The following NPAS3 variants were observed in gnomAD, a reference collection of about 807,000 sequenced individuals.
The protein encoded by NPAS3 is neuronal PAS domain-containing protein 3.
NPAS3 carries 14 observed loss-of-function variants against 73.1 expected under a neutral mutation model. That is an observed-to-expected ratio of 0.19 (90% CI 0.13 to 0.30). NPAS3 has a LOEUF of 0.30. Ranked by LOEUF, NPAS3 falls within the 10% of genes least tolerant of loss-of-function variation. The pLI, the probability that NPAS3 is intolerant of heterozygous loss-of-function variation, is 1.00. For synonymous variants in NPAS3, 620 were observed against 541.5 expected (o/e 1.14, Z -2.01); for missense variants, 1,096 against 1,250.0 (o/e 0.88, Z 1.86).
chr14:33,781,362 G>A (rs183836493), intron 9 of NPAS3, among the ~76,000 whole-genome samples: 5 of 152,342 alleles, frequency 3.3e-5, no homozygotes, highest in Admixed American at 2.0e-4. Flanking sequence ...CTAAAATTGT[G>A]TGATGGAATG....
intron 3 of NPAS3, among the ~76,000 whole-genome samples, chr14:33,263,538 T>C (rs1350463913): frequency 1.3e-5 from 2 of 152,212 alleles, no homozygotes; most frequent in East Asian, 3.8e-4. Flanking sequence ...TAGTATAGTT[T>C]GAAGTCAGGT....
At chr14:33,397,041 G>C (rs2047254262) in intron 4 of NPAS3, among the ~76,000 whole-genome samples, 1 of 151,958 alleles carries the variant, frequency 6.6e-6, no homozygotes, top group Non-Finnish European at 1.5e-5. Context: ...CAGTTTAAGG[G>C]GCCTGTCTAT....
At chr14:33,724,656 TA>T (rs2061213539) in intron 6 of NPAS3, among the ~76,000 whole-genome samples, 1 of 151,700 alleles carries the variant, frequency 6.6e-6, no homozygotes, top group African/African-American at 2.4e-5. Flanking sequence ...AAATGCATAT[TA>T]AAAACATGTG....
intron 4 of NPAS3, among the ~76,000 whole-genome samples, chr14:33,409,157 T>C (rs193266194): frequency 2.7e-3 from 410 of 152,296 alleles, no homozygotes; most frequent in African/African-American, 9.4e-3. Context: ...CCAGGTGATA[T>C]GTTTAAAAAG....
At chr14:33,799,903 C>G (rs764930342) in exon 12 of NPAS3, 1 of 1,614,194 alleles carries the variant, frequency 6.2e-7, no homozygotes, top group Non-Finnish European at 8.5e-7. Context: ...ACGACAGCTT[C>G]GAGCACTCGG....
chr14:33,034,979 A>C (rs1245528762), intron 1 of NPAS3, among the ~76,000 whole-genome samples: 1 of 152,238 alleles, frequency 6.6e-6, no homozygotes, highest in Non-Finnish European at 1.5e-5. Context: ...AGTCAATTTC[A>C]TAGAAAAAAT....
intron 4 of NPAS3, among the ~76,000 whole-genome samples, chr14:33,532,795 A>G (rs2054101348): frequency 6.6e-6 from 1 of 152,118 alleles, no homozygotes; most frequent in Non-Finnish European, 1.5e-5. Context: ...TAAAAACAGT[A>G]GTAAGATAAG....
intron 1 of NPAS3, among the ~76,000 whole-genome samples, chr14:32,984,141 C>T (rs1028113984): frequency 2.0e-5 from 3 of 152,186 alleles, no homozygotes; most frequent in African/African-American, 7.2e-5. Context: ...TATATGGTTT[C>T]CCATGTTGTG....
chr14:33,581,991 T>G (rs2056683412), intron 5 of NPAS3: 1 of 152,260 alleles, frequency 6.6e-6, no homozygotes, highest in South Asian at 2.1e-4. Flanking sequence ...ATTTAGGTCC[T>G]TTCTAATTTT....
At chr14:33,361,263 C>T (rs1022357256) in intron 3 of NPAS3, among the ~76,000 whole-genome samples, 15 of 152,270 alleles carry the variant, frequency 9.9e-5, no homozygotes, top group East Asian at 1.9e-4. Flanking sequence ...AAAACATTTT[C>T]GAGACTTACT....
At chr14:33,251,093 C>T (rs536287091) in intron 3 of NPAS3, among the ~76,000 whole-genome samples, 1 of 152,058 alleles carries the variant, frequency 6.6e-6, no homozygotes, top group East Asian at 1.9e-4. Context: ...AATCTACTAA[C>T]CCTGCTCATT....
At chr14:33,021,696 C>T (rs1046003958) in intron 1 of NPAS3, among the ~76,000 whole-genome samples, 3 of 152,304 alleles carry the variant, frequency 2.0e-5, no homozygotes, top group Non-Finnish European at 2.9e-5. Flanking sequence ...ATTCCTTTCT[C>T]TTCTGAGCCC....
intron 2 of NPAS3, among the ~76,000 whole-genome samples, chr14:33,155,959 A>T (rs2139275108): frequency 6.6e-6 from 1 of 152,342 alleles, no homozygotes; most frequent in East Asian, 1.9e-4. Context: ...CTTGTTTTAA[A>T]AACTTACTTT....
At position 33,237,611 on chromosome 14, in the gene NPAS3, G is replaced by A. The variant is rs756514850; in HGVS notation, c.385+22185G>A. On this transcript the variant is annotated intron_variant, in intron 3 of 11. Transcript: ENST00000356141. ...AAAATTAGAAAAGGAAATTGCTTTC[G>A]GCTTCAGAGAGGCAACATGCTAGTT... Among the ~76,000 whole-genome samples, 15 of 152,080 alleles carry A rather than the reference G, an allele frequency of 9.9e-5. No homozygotes were observed. In the East Asian group the frequency reaches 1.5e-3, roughly 16 times the overall value.
At chr14:32,956,785 C>T (rs1208097349) in intron 1 of NPAS3, among the ~76,000 whole-genome samples, 1 of 152,154 alleles carries the variant, frequency 6.6e-6, no homozygotes, top group Non-Finnish European at 1.5e-5. Flanking sequence ...TTTTCCAAAA[C>T]CCAAATCACT....
At chr14:33,262,924 T>C (rs1028641571) in intron 3 of NPAS3, among the ~76,000 whole-genome samples, 1 of 152,210 alleles carries the variant, frequency 6.6e-6, no homozygotes. Context: ...ATGTCTTCTT[T>C]TGAGGAGTGT....
chr14:33,360,918 C>T lies in NPAS3; in HGVS notation c.386-6268C>T, dbSNP rs185081094. ...GTCCTCCGAGACGTTGACTGTCAGA[C>T]GTTGACCTCATTCCCTCAAGTGCTG... On this transcript the variant is annotated intron_variant, in intron 3 of 11. Coordinates refer to ENST00000356141, the Ensembl canonical transcript of NPAS3. 2.6e-3 allele frequency among the ~76,000 whole-genome samples: 391 copies of T among 152,206 alleles called. 5 individuals carry two copies. Among genetic ancestry groups the T allele is most frequent in the African/African-American group, 9.1e-3 (376 of 41,508 alleles).
At chr14:33,547,917 CTG>C (rs1330425489) in intron 4 of NPAS3, among the ~76,000 whole-genome samples, 2 of 152,190 alleles carry the variant, frequency 1.3e-5, no homozygotes, top group African/African-American at 4.8e-5. Context: ...GTATAAGAGT[CTG>C]TGGAAATTTT....
intron 4 of NPAS3, among the ~76,000 whole-genome samples, chr14:33,494,159 G>A (rs1346044772): frequency 4.6e-5 from 7 of 152,100 alleles, no homozygotes; most frequent in East Asian, 3.9e-4. Flanking sequence ...TTTCTCCAGC[G>A]TGCCCTGGAG....
Sources: allele counts gnomAD v4.1 joint callset (sites outside exome capture counted in the v4.1 genomes callset), GRCh38; gene constraint gnomAD v4.1.1; transcripts MANE v1.5; gene names NCBI Gene and HGNC (gene_info 2026-07-23, HGNC 2026-07-21).